Variants in CRYL1 observed in about 807,000 individuals in gnomAD.
CRYL1 encodes the protein crystallin lambda 1.
CRYL1 carries 29 observed loss-of-function variants against 36.6 expected under a neutral mutation model. The ratio of observed to expected loss-of-function variants is 0.79; its 90% CI spans 0.59 to 1.08. The LOEUF (loss-of-function observed/expected upper bound fraction) is 1.08. Ranked by LOEUF, CRYL1 falls within the 50% of genes least tolerant of loss-of-function variation. The probability of loss-of-function intolerance (pLI) is 0.00; values close to 1 mark genes in which losing one functional copy is unlikely to be tolerated. For synonymous variants in CRYL1, 152 were observed against 151.5 expected, an observed-to-expected ratio of 1.00 and a Z score of -0.02; for missense variants, 411 against 407.9, an observed-to-expected ratio of 1.01 and a Z score of -0.06.
chr13:20,482,093 CCAA>C (rs1406713954), intron 3 of CRYL1, among the ~76,000 whole-genome samples: 8 of 151,578 alleles, frequency 5.3e-5, no homozygotes, highest in Non-Finnish European at 7.4e-5. Context: ...GACTGAAAGT[CCAA>C]CAATCCTTTA....
intron 3 of CRYL1, among the ~76,000 whole-genome samples, chr13:20,487,030 T>A (rs879730130): frequency 3.3e-5 from 5 of 152,144 alleles, no homozygotes; most frequent in Non-Finnish European, 7.3e-5. Context: ...TTCACCACTT[T>A]ATAAAAAACA....
rs2032192191 is a variant in CRYL1, at chr13:20,435,605, C to G, written c.439-3309G>C. ...GGCGAGACAGGAGAGGAGGCAGCTC[C>G]CCCGCCCCAAACCTTCCATGTGGGA... On this transcript the variant is annotated intron_variant, in intron 4 of 7. Coordinates refer to ENST00000298248, the MANE Select transcript of CRYL1 (RefSeq NM_015974.3). The surrounding 1 kb of genome is among the most constrained non-coding windows in gnomAD (Gnocchi z 4.0). 6.6e-6 allele frequency among the ~76,000 whole-genome samples: 1 copy of G among 152,176 alleles called. No individual in the cohort carries two copies. Among genetic ancestry groups the G allele is most frequent in the Non-Finnish European group, 1.5e-5 (1 of 68,026 alleles).
Position 20,435,364 on chromosome 13 carries a change from G to T in CRYL1, c.439-3068C>A, listed in dbSNP as rs1188678448. 6.6e-6 allele frequency among the ~76,000 whole-genome samples: 1 copy of T among 152,126 alleles called. No individual in the cohort carries two copies. Among genetic ancestry groups the T allele is most frequent in the East Asian group, 1.9e-4 (1 of 5,180 alleles). On this transcript the variant is annotated intron_variant, in intron 4 of 7. Coordinates refer to ENST00000298248, the MANE Select transcript of CRYL1 (RefSeq NM_015974.3). The surrounding 1 kb of genome is among the most constrained non-coding windows in gnomAD (Gnocchi z 4.0). ...CTAGGACGCAGGGGCCAGCGACTGG[G>T]CCCCACGCAGCCCCCCAAAACAGAC... is the stretch of plus-strand genomic sequence containing the variant.
At chr13:20,418,716 T>G (rs557805506) in intron 5 of CRYL1, 8 of 152,310 alleles carry the variant, frequency 5.3e-5, no homozygotes, top group Admixed American at 3.9e-4. Flanking sequence ...CCCCCAAACT[T>G]GGTCCTGAAT....
In CRYL1 at chr13:20,425,726, C is replaced by A. The variant is rs2031917774; in HGVS notation, c.633+6376G>T. Among the ~76,000 whole-genome samples, 1 of 152,196 alleles carries A rather than the reference C, an allele frequency of 6.6e-6. No homozygotes were observed. The highest frequency in any genetic ancestry group is 6.5e-5 in the Admixed American group (1 of 15,286). On this transcript the variant is annotated intron_variant, in intron 5 of 7. Transcript: ENST00000298248. This position sits in a 1 kb window ranked among gnomAD's most constrained non-coding sequence, Gnocchi z 4.4. ...GGCCATCTTCCCCCTAGAACATGTT[C>A]ATGCCCTTGGCTCCCCTTTGTGTAA... is the stretch of plus-strand genomic sequence containing the variant.
chr13:20,438,556 C>T (rs939293936), intron 4 of CRYL1, among the ~76,000 whole-genome samples: 3 of 152,194 alleles, frequency 2.0e-5, no homozygotes, highest in African/African-American at 7.2e-5. Flanking sequence ...GGCATGTGTG[C>T]TCATGCCACC....
intron 2 of CRYL1, among the ~76,000 whole-genome samples, chr13:20,510,588 T>C (rs1169097117): frequency 2.0e-5 from 3 of 149,026 alleles, no homozygotes; most frequent in African/African-American, 7.4e-5. Context: ...TCCAAATCCA[T>C]AGAGTGTAAA....
intron 3 of CRYL1, among the ~76,000 whole-genome samples, chr13:20,463,928 A>G (rs2032882646): frequency 3.3e-5 from 5 of 152,182 alleles, no homozygotes; most frequent in Admixed American, 3.3e-4. Context: ...GAGGCTGCAG[A>G]ATGCCCGAGG....
At chr13:20,422,345 G>A (rs1295607663) in intron 5 of CRYL1, among the ~76,000 whole-genome samples, 2 of 137,958 alleles carry the variant, frequency 1.4e-5, no homozygotes, top group African/African-American at 5.3e-5. Flanking sequence ...GGGCCACAGA[G>A]TGAAATTCCA....
chr13:20,482,300 G>A (rs1390664856), intron 3 of CRYL1, among the ~76,000 whole-genome samples: 1 of 152,122 alleles, frequency 6.6e-6, no homozygotes, highest in Non-Finnish European at 1.5e-5. Flanking sequence ...CTTTGTGTAA[G>A]GAAACCCCAT....
chr13:20,448,122 A>G (rs564931516), intron 3 of CRYL1, among the ~76,000 whole-genome samples: 1 of 152,346 alleles, frequency 6.6e-6, no homozygotes, highest in South Asian at 2.1e-4. Context: ...ATCAAAGAGA[A>G]TGCTAAAACT....
chr13:20,505,381 A>AAAAAAAAT (rs1292225610), intron 2 of CRYL1, among the ~76,000 whole-genome samples: 1 of 138,842 alleles, frequency 7.2e-6, no homozygotes, highest in African/African-American at 2.7e-5. Flanking sequence ...AAAAAAAAAA[A>AAAAAAAAT]ATCAGAATAT....
intron 5 of CRYL1, among the ~76,000 whole-genome samples, chr13:20,414,732 A>T (rs2031613178): frequency 6.6e-6 from 1 of 152,228 alleles, no homozygotes. Context: ...CTGATCAGCC[A>T]CCTGTGTTCC....
chr13:20,520,898 G>T (rs1041101810), intron 1 of CRYL1, among the ~76,000 whole-genome samples: 4 of 152,104 alleles, frequency 2.6e-5, no homozygotes, highest in Admixed American at 1.3e-4. Flanking sequence ...GAGGTCAGGA[G>T]ATCGAGACCA....
At chr13:20,520,658 C>A (rs1317988013) in intron 1 of CRYL1, among the ~76,000 whole-genome samples, 1 of 152,126 alleles carries the variant, frequency 6.6e-6, no homozygotes, top group Non-Finnish European at 1.5e-5. Flanking sequence ...GGTGTCTTTT[C>A]CCCCACCCCT....
In CRYL1 at chr13:20,414,128, T is replaced by C. The variant is rs2031594382; in HGVS notation, c.634-741A>G. Among the ~76,000 whole-genome samples the C allele has an allele frequency of 2.0e-5, 3 of 152,038 alleles. No homozygotes were observed. The South Asian group carries it at 6.2e-4, about 32-fold the overall frequency. ...AGGCAGAAGTTGCAGTGAGCTGAGA[T>C]CATGCCACTGCACTCCAGCCTGGGC... On this transcript the variant is annotated intron_variant, in intron 5 of 7. Transcript: ENST00000298248.
At chr13:20,505,930 T>A (rs73447907) in intron 2 of CRYL1, among the ~76,000 whole-genome samples, 154 of 152,320 alleles carry the variant, frequency 1.0e-3, no homozygotes, top group African/African-American at 3.6e-3. Flanking sequence ...GACTTCACAA[T>A]CATTAACCTC....
chr13:20,466,819 C>CA (rs2032945466), intron 3 of CRYL1, among the ~76,000 whole-genome samples: 1 of 152,090 alleles, frequency 6.6e-6, no homozygotes, highest in Admixed American at 6.6e-5. Context: ...CATAACTGCA[C>CA]TCTTTATAAT....
At chr13:20,486,822 T>A (rs1408696927) in intron 3 of CRYL1, among the ~76,000 whole-genome samples, 2 of 152,196 alleles carry the variant, frequency 1.3e-5, no homozygotes, top group African/African-American at 4.8e-5. Flanking sequence ...CTGCCCCATG[T>A]CATTCTTTAT....
Sources: allele counts gnomAD v4.1 joint callset (sites outside exome capture counted in the v4.1 genomes callset), GRCh38; gene constraint gnomAD v4.1.1; non-coding constraint Gnocchi (gnomAD v3.1); transcripts MANE v1.5; gene names NCBI Gene and HGNC (gene_info 2026-07-23, HGNC 2026-07-21).